Variants in DPYD observed in about 807,000 individuals in gnomAD.
DPYD encodes the protein dihydropyrimidine dehydrogenase [NADP(+)].
In DPYD, 109 loss-of-function variants were observed where a neutral mutation model predicts 116.2. The ratio of observed to expected loss-of-function variants is 0.94; its 90% CI spans 0.80 to 1.10. The LOEUF is 1.10. DPYD is among the 50% of genes least tolerant of loss of function. The probability of loss-of-function intolerance (pLI) is 0.00; values close to 1 mark genes in which losing one functional copy is unlikely to be tolerated. For missense variants in DPYD, 1,302 were observed against 1,254.5 expected, an observed-to-expected ratio of 1.04 and a Z score of -0.57; for synonymous variants, 440 against 432.0, an observed-to-expected ratio of 1.02 and a Z score of -0.23.
chr1:97,140,479 T>A (rs556338660), intron 20 of DPYD, among the ~76,000 whole-genome samples: 100 of 152,198 alleles, frequency 6.6e-4, no homozygotes, highest in African/African-American at 2.3e-3. Context: ...CACAGAGGTA[T>A]CCTTTAAGAA....
chr1:97,749,875 T>C (rs2101094402), intron 3 of DPYD, among the ~76,000 whole-genome samples: 1 of 152,306 alleles, frequency 6.6e-6, no homozygotes, highest in South Asian at 2.1e-4. Context: ...CTAACAGTTT[T>C]TATTATAGCT....
intron 1 of DPYD, among the ~76,000 whole-genome samples, chr1:97,910,125 T>C (rs1277569899): frequency 6.6e-6 from 1 of 152,082 alleles, no homozygotes; most frequent in Admixed American, 6.5e-5. Flanking sequence ...CTGCATCACA[T>C]TTTCTTGGTT....
At chr1:97,203,793 C>CAAAAAAAAAAAAAAAAAAAAAAAAAAA (rs56819543) in intron 19 of DPYD, among the ~76,000 whole-genome samples, 1 of 65,694 alleles carries the variant, frequency 1.5e-5, no homozygotes, top group Non-Finnish European at 2.8e-5. Context: ...ATTCACATTC[C>CAAAAAAAAAAAAAAAAAAAAAAAAAAA]AAAAAAAAAA....
chr1:97,899,390 T>C (rs1044514549), intron 1 of DPYD, among the ~76,000 whole-genome samples: 1 of 151,950 alleles, frequency 6.6e-6, no homozygotes, highest in Non-Finnish European at 1.5e-5. Flanking sequence ...AGAGGACAAC[T>C]GAAAGCTTGT....
At position 97,160,293 on chromosome 1, in the gene DPYD, A is replaced by C. The variant is rs370922749; in HGVS notation, c.2622+32776T>G. On this transcript the variant is annotated intron_variant, in intron 20 of 22. Transcript: ENST00000370192. ...AACTTTTCTTTCTTATCCTTTCAGAATATTTCAGTAGAATGGGAAGCTACA... is the reference window on the plus strand; with the variant it reads ...AACTTTTCTTTCTTATCCTTTCAGACTATTTCAGTAGAATGGGAAGCTACA... Among the ~76,000 whole-genome samples the C allele has an allele frequency of 2.8e-4, 42 of 152,180 alleles. No homozygotes were observed. In the South Asian group the frequency reaches 8.7e-3, roughly 31 times the overall value.
chr1:97,895,056 G>A (rs1368667262), intron 1 of DPYD, among the ~76,000 whole-genome samples: 1 of 151,546 alleles, frequency 6.6e-6, no homozygotes, highest in Non-Finnish European at 1.5e-5. Context: ...CAGTTCATTG[G>A]GTAAGAAAAT....
chr1:97,354,201 C>G (rs192180479), intron 16 of DPYD, among the ~76,000 whole-genome samples: 46 of 152,274 alleles, frequency 3.0e-4, no homozygotes, highest in Non-Finnish European at 5.0e-4. Flanking sequence ...CAGAACCGTT[C>G]GCCATTTGGT....
At chr1:97,239,185 C>A (rs924784510) in intron 18 of DPYD, among the ~76,000 whole-genome samples, 8 of 152,080 alleles carry the variant, frequency 5.3e-5, no homozygotes, top group African/African-American at 1.9e-4. Flanking sequence ...AGATAAACTA[C>A]ACAGAACATT....
chr1:97,239,089 T>C (rs1662145246), intron 18 of DPYD, among the ~76,000 whole-genome samples: 1 of 152,190 alleles, frequency 6.6e-6, no homozygotes, highest in Non-Finnish European at 1.5e-5. Context: ...GACTGAACTG[T>C]AACTTTTGGT....
At chr1:97,343,432 T>C (rs757335548) in intron 16 of DPYD, among the ~76,000 whole-genome samples, 1 of 152,094 alleles carries the variant, frequency 6.6e-6, no homozygotes, top group Non-Finnish European at 1.5e-5. Flanking sequence ...TGCCTTTTGC[T>C]AAAAGTAATA....
chr1:97,520,480 A>C (rs548820179), intron 12 of DPYD, among the ~76,000 whole-genome samples: 1 of 152,024 alleles, frequency 6.6e-6, no homozygotes, highest in East Asian at 1.9e-4. Flanking sequence ...TTACTATTCC[A>C]CAATTTTACT....
intron 3 of DPYD, among the ~76,000 whole-genome samples, chr1:97,817,696 C>CACTA (rs1163753316): frequency 1.3e-5 from 2 of 151,796 alleles, no homozygotes; most frequent in Non-Finnish European, 2.9e-5. Context: ...ACATGTAAAC[C>CACTA]ACTAATTTTC....
intron 11 of DPYD, 30 bp downstream of exon 11, chr1:97,573,730 C>G (rs1458769178): frequency 6.2e-7 from 1 of 1,612,406 alleles, no homozygotes; most frequent in African/African-American, 1.3e-5. Flanking sequence ...CAGACAATTG[C>G]ATCACACATT....
intron 20 of DPYD, among the ~76,000 whole-genome samples, chr1:97,161,830 T>A (rs1655926273): frequency 6.7e-6 from 1 of 150,326 alleles, no homozygotes; most frequent in African/African-American, 2.5e-5. Flanking sequence ...TGTTTGGTTT[T>A]TTGTCCTTGC....
At chr1:97,537,662 T>C (rs1385542278) in intron 12 of DPYD, among the ~76,000 whole-genome samples, 1 of 145,672 alleles carries the variant, frequency 6.9e-6, no homozygotes, top group Non-Finnish European at 1.5e-5. Flanking sequence ...AATTGTCTGT[T>C]CTTGTTTGTT....
chr1:97,640,224 C>A (rs1657807865), intron 8 of DPYD, among the ~76,000 whole-genome samples: 3 of 152,038 alleles, frequency 2.0e-5, no homozygotes, highest in African/African-American at 7.2e-5. Context: ...TTTCCAAATC[C>A]AATTGTTGCA....
chr1:97,836,193 C>T (rs746254955), intron 2 of DPYD, among the ~76,000 whole-genome samples: 5 of 152,094 alleles, frequency 3.3e-5, no homozygotes, highest in Non-Finnish European at 7.4e-5. Context: ...TCAAATAAAT[C>T]CACTGTTACT....
chr1:97,751,460 G>GTGTATGTATATA (rs763260651), intron 3 of DPYD, among the ~76,000 whole-genome samples: 5 of 21,290 alleles, frequency 2.3e-4, no homozygotes, highest in African/African-American at 3.5e-4. Context: ...GTGTGTGTGT[G>GTGTATGTATATA]TATATATATA....
intron 12 of DPYD, among the ~76,000 whole-genome samples, chr1:97,520,800 T>A (rs1427438624): frequency 6.6e-6 from 1 of 152,172 alleles, no homozygotes; most frequent in Non-Finnish European, 1.5e-5. Context: ...GCAAAGCACA[T>A]GAACTAATCC....
Sources: gnomAD v4.1 joint callset for allele counts (sites outside exome capture counted in the v4.1 genomes callset) on GRCh38, gnomAD v4.1.1 for gene constraint, MANE v1.5 for transcripts, NCBI Gene and HGNC (gene_info 2026-07-23, HGNC 2026-07-21) for gene names.